Variants in CCL8 observed in about 807,000 individuals in gnomAD.
CCL8 encodes C-C motif chemokine 8.
CCL8 carries 3 observed loss-of-function variants against 6.6 expected under a neutral mutation model. The ratio of observed to expected loss-of-function variants is 0.45; its 90% confidence interval spans 0.21 to 1.17. CCL8 has a LOEUF of 1.17. Among genes scored for constraint, CCL8 ranks in the 50% most tolerant of loss-of-function variants. The probability of loss-of-function intolerance (pLI) is 0.24; values close to 1 mark genes in which losing one functional copy is unlikely to be tolerated. For missense variants in CCL8, 127 were observed against 118.1 expected (o/e 1.08, Z -0.35); for synonymous variants, 49 against 41.8 (o/e 1.17, Z -0.67).
At chr17:34,319,722 A>G (rs1597604331) in intron 1 of CCL8, 145 bp downstream of exon 1, 1 of 617,270 alleles carries the variant, frequency 1.6e-6, no homozygotes, top group Non-Finnish European at 2.8e-6. Flanking sequence ...CAGTTTTGGG[A>G]GGAGACAGTG....
intron 2 of CCL8, 120 bp from the exon 3 acceptor site, chr17:34,320,682 C>T (rs1909493011): frequency 1.6e-6 from 1 of 644,510 alleles, no homozygotes; most frequent in Non-Finnish European, 2.7e-6. Context: ...TCCCTCCTCT[C>T]CCGGGTCCGG....
At chr17:34,319,870 T>C (rs1489587283) in intron 1 of CCL8, among the ~76,000 whole-genome samples, 1 of 152,138 alleles carries the variant, frequency 6.6e-6, no homozygotes, top group Admixed American at 6.6e-5. Flanking sequence ...CAAATTTTGG[T>C]TATGGTTCAG....
In CCL8 at chr17:34,320,469, G is replaced by T. The variant is rs896516804; in HGVS notation, c.194+83G>T. The stretch of plus-strand genomic sequence containing the variant: ...GTCAAGATTCATGTCCATATGAGTC[G>T]GATGCATATAACTTCTATCCAAAGG... On this transcript the variant is annotated intron_variant, in intron 2 of 2. Transcript: ENST00000394620. The T allele has an allele frequency of 3.4e-6, 3 of 892,748 alleles. No individual in the cohort carries two copies. In the African/African-American group the frequency reaches 4.9e-5, roughly 15 times the overall value. 55.3% of individuals were successfully genotyped at this position (892,748 alleles called of 1,614,324 possible). A position where few individuals can be genotyped will look rare whatever the true frequency, so the allele number is the denominator to read the frequency against.
Position 34,320,382 on chromosome 17 carries a change from G to A in CCL8, c.190G>A (p.Val64Met), listed in dbSNP as rs201842024. Residue 64 changes from valine to methionine, a missense_variant, in exon 2 of 3, where the codon GTG becomes ATG. Physicochemically the swap from Val to Met is conservative, Grantham distance 21. Coordinates refer to ENST00000394620, the MANE Select transcript of CCL8 (RefSeq NM_005623.3). ...ITNIQCPKEA[V>M]IFKTKRGKEV... ...CAACATCCAATGTCCCAAGGAAGCT[G>A]TGATGTGAGTGGACAGTGCCTGGCA... 1.9e-6 allele frequency: 3 copies of A among 1,589,948 alleles called. No homozygotes were observed. The highest frequency in any genetic ancestry group is 1.3e-5 in the African/African-American group (1 of 74,508).
At position 34,321,294 on chromosome 17, in the gene CCL8, T is replaced by G. The variant is rs1909518080; in HGVS notation, c.*387T>G. On this transcript the variant is annotated 3_prime_UTR_variant, in exon 3 of 3. Transcript: ENST00000394620. ...CTTTGGCAATCAGTGCTCCTGTAAG[T>G]CAAATGTGTGCTTTGTACTGCTGTT... The G allele has an allele frequency of 5.3e-6, 1 of 188,892 alleles. No homozygotes were observed. Among genetic ancestry groups the G allele is most frequent in the Non-Finnish European group, 1.1e-5 (1 of 93,258 alleles). 11.7% of individuals were successfully genotyped at this position (188,892 alleles called of 1,614,324 possible).
intron 2 of CCL8, 111 bp from the exon 3 acceptor site, chr17:34,320,691 G>A (rs909261186): frequency 1.8e-5 from 12 of 665,612 alleles, no homozygotes; most frequent in Admixed American, 6.3e-5. Context: ...TCCCGGGTCC[G>A]GGTCCTTCAC....
intron 2 of CCL8, 31 bp downstream of exon 2, chr17:34,320,417 A>C: frequency 2.2e-6 from 3 of 1,357,182 alleles, no homozygotes; most frequent in Non-Finnish European, 3.2e-6. Flanking sequence ...ACCCCCATTC[A>C]AAAGTTCTGA....
chr17:34,320,652 T>A, intron 2 of CCL8, 150 bp from the exon 3 acceptor site: 2 of 614,542 alleles, frequency 3.3e-6, no homozygotes, highest in Non-Finnish European at 5.8e-6. Flanking sequence ...TTCTGGAGCT[T>A]CTTCCTCCCA....
Position 34,321,080 on chromosome 17 carries a change from G to T in CCL8, c.*173G>T, listed in dbSNP as rs1909510297. The T allele has an allele frequency of 7.7e-6, 4 of 520,772 alleles. No homozygotes were observed. The highest frequency in any genetic ancestry group is 1.3e-5 in the Non-Finnish European group (4 of 303,996). The allele number at this position is 520,772 out of a possible 1,614,324, so 32.3% of individuals were successfully genotyped here. The stretch of plus-strand genomic sequence containing the variant: ...AGTATTTAATTATATTTAAGTTGTT[G>T]ATGTTTTAACTCTATCTGTCATACA... On this transcript the variant is annotated 3_prime_UTR_variant, in exon 3 of 3. Transcript: ENST00000394620.
chr17:34,319,892 G>A (rs1284489133), intron 1 of CCL8, among the ~76,000 whole-genome samples: 1 of 152,184 alleles, frequency 6.6e-6, no homozygotes, highest in Non-Finnish European at 1.5e-5. Context: ...GTACCTTCCA[G>A]AACAGTGGCT....
At chr17:34,320,710 C>G (rs541792696) in intron 2 of CCL8, 92 bp from the exon 3 acceptor site, 15 of 798,122 alleles carry the variant, frequency 1.9e-5, no homozygotes, top group African/African-American at 1.6e-4. Flanking sequence ...ACCTAAGGAC[C>G]AAGGGCTGAT....
At chr17:34,319,700 C>A (rs1462707940) in intron 1 of CCL8, 123 bp downstream of exon 1, 10 of 683,994 alleles carry the variant, frequency 1.5e-5, no homozygotes, top group Admixed American at 2.9e-5. Flanking sequence ...TTCCCTTGAT[C>A]TTTCCTGACC....
At chr17:34,320,503 A>T in intron 2 of CCL8, 117 bp downstream of exon 2, 2 of 707,372 alleles carry the variant, frequency 2.8e-6, no homozygotes, top group Non-Finnish European at 5.0e-6. Flanking sequence ...GGGCCCCTCT[A>T]CCCCATAGAG....
At chr17:34,320,521 G>C in intron 2 of CCL8, 135 bp downstream of exon 2, 1 of 667,602 alleles carries the variant, frequency 1.5e-6, no homozygotes. Context: ...GAGAAACTCA[G>C]TCCATGAGAA....
At position 34,321,130 on chromosome 17, in the gene CCL8, T is replaced by C. The variant is rs201580663; in HGVS notation, c.*223T>C. On this transcript the variant is annotated 3_prime_UTR_variant, in exon 3 of 3. Transcript: ENST00000394620. ...ATCCTAGTGAATGTAAAATGCAAAATCCTGGTGATGTGTTTTTTGTTTTTG... is the reference window on the plus strand; with the variant it reads ...ATCCTAGTGAATGTAAAATGCAAAACCCTGGTGATGTGTTTTTTGTTTTTG... 145 of 439,644 alleles carry C rather than the reference T, an allele frequency of 3.3e-4. No homozygotes were observed. The highest frequency in any genetic ancestry group is 2.7e-3 in the African/African-American group (128 of 47,962). The allele number at this position is 439,644 out of a possible 1,614,324, so 27.2% of individuals were successfully genotyped here. A position where few individuals can be genotyped will look rare whatever the true frequency, so the allele number is the denominator to read the frequency against.
intron 1 of CCL8, 150 bp from the exon 2 acceptor site, chr17:34,320,119 A>G: frequency 1.6e-6 from 1 of 614,246 alleles, no homozygotes; most frequent in Non-Finnish European, 2.9e-6. Flanking sequence ...AAAGAGACTC[A>G]CAGGCAACAT....
At chr17:34,320,656 C>T (rs1375599853) in intron 2 of CCL8, 146 bp from the exon 3 acceptor site, 3 of 616,456 alleles carry the variant, frequency 4.9e-6, no homozygotes, top group Non-Finnish European at 8.7e-6. Flanking sequence ...GGAGCTTCTT[C>T]CTCCCACTCT....
chr17:34,321,146 T>A lies in CCL8; in HGVS notation c.*239T>A, dbSNP rs892010166. On this transcript the variant is annotated 3_prime_UTR_variant, in exon 3 of 3. Transcript: ENST00000394620. ...AATGCAAAATCCTGGTGATGTGTTT[T>A]TTGTTTTTGTTTTCCTGTGAGCTCA... The A allele has an allele frequency of 2.5e-6, 1 of 397,364 alleles. No individual in the cohort carries two copies. Among genetic ancestry groups the A allele is most frequent in the Admixed American group, 4.8e-5 (1 of 20,700 alleles). The allele number at this position is 397,364 out of a possible 1,614,324, so 24.6% of individuals were successfully genotyped here. A position where few individuals can be genotyped will look rare whatever the true frequency, so the allele number is the denominator to read the frequency against.
At chr17:34,319,649 G>A in intron 1 of CCL8, 72 bp downstream of exon 1, 1 of 1,195,700 alleles carries the variant, frequency 8.4e-7, no homozygotes, top group Non-Finnish European at 1.2e-6. Context: ...CAGCTCATTA[G>A]GAACAAAACC....
Sources: allele counts gnomAD v4.1 joint callset (sites outside exome capture counted in the v4.1 genomes callset), GRCh38; gene constraint gnomAD v4.1.1; transcripts MANE v1.5; gene names NCBI Gene and HGNC (gene_info 2026-07-23, HGNC 2026-07-21).